GALNT13: variants seen among roughly 807,000 people sequenced by gnomAD.
GALNT13 encodes the protein polypeptide N-acetylgalactosaminyltransferase 13.
Under a neutral mutation model 64.2 loss-of-function variants are expected in GALNT13, and 28 were observed. The ratio of observed to expected loss-of-function variants is 0.44; its 90% CI spans 0.32 to 0.60. The LOEUF is 0.60. GALNT13 is among the 20% of genes least tolerant of loss of function. GALNT13 has a pLI of 0.05. For synonymous variants in GALNT13, 214 were observed against 224.6 expected (o/e 0.95, Z 0.42); for missense variants, 577 against 669.8 (o/e 0.86, Z 1.53).
chr2:153,838,277 G>C, the GALNT13 span, among the ~76,000 whole-genome samples: 1 of 151,670 alleles, frequency 6.6e-6, no homozygotes, highest in Non-Finnish European at 1.5e-5. Flanking sequence ...GTTTATTTTT[G>C]CTTTTGTTGC....
the GALNT13 span, among the ~76,000 whole-genome samples, chr2:153,325,003 T>C: frequency 6.6e-6 from 1 of 152,040 alleles, no homozygotes; most frequent in African/African-American, 2.4e-5. Flanking sequence ...CATACAATGA[T>C]TTAGGAAGAA....
the GALNT13 span, among the ~76,000 whole-genome samples, chr2:153,638,704 A>C: frequency 6.6e-6 from 1 of 152,084 alleles, no homozygotes; most frequent in Non-Finnish European, 1.5e-5. Context: ...TTATATGGCC[A>C]CTGTCACAGG....
At chr2:154,345,091 T>G (rs1695994366) in intron 9 of GALNT13, among the ~76,000 whole-genome samples, 1 of 152,114 alleles carries the variant, frequency 6.6e-6, no homozygotes, top group South Asian at 2.1e-4. Context: ...GGACAGAAAT[T>G]CTTAGGAGCA....
intron 3 of GALNT13, among the ~76,000 whole-genome samples, chr2:153,964,919 T>C (rs1291214280): frequency 6.6e-6 from 1 of 152,122 alleles, no homozygotes; most frequent in Non-Finnish European, 1.5e-5. Flanking sequence ...GTCTATATGG[T>C]AGTATTCATA....
the GALNT13 span, among the ~76,000 whole-genome samples, chr2:153,641,801 C>T: frequency 6.6e-6 from 1 of 151,920 alleles, no homozygotes; most frequent in Non-Finnish European, 1.5e-5. Flanking sequence ...TTCAAGAAAT[C>T]TACAATTTAT....
the GALNT13 span, among the ~76,000 whole-genome samples, chr2:153,836,978 G>A: frequency 6.6e-6 from 1 of 151,874 alleles, no homozygotes; most frequent in Non-Finnish European, 1.5e-5. Flanking sequence ...ACATGTGCAT[G>A]TGTCTTTATA....
chr2:153,800,590 T>G, the GALNT13 span, among the ~76,000 whole-genome samples: 1 of 152,240 alleles, frequency 6.6e-6, no homozygotes, highest in Non-Finnish European at 1.5e-5. Flanking sequence ...AACCTGCAGC[T>G]ACATTATCAA....
the GALNT13 span, among the ~76,000 whole-genome samples, chr2:153,552,813 A>C: frequency 3.3e-5 from 5 of 152,012 alleles, no homozygotes; most frequent in Non-Finnish European, 7.4e-5. Context: ...TCCATCTCAG[A>C]TCATCAGGCA....
intron 3 of GALNT13, among the ~76,000 whole-genome samples, chr2:154,057,025 T>A (rs944392220): frequency 6.6e-6 from 1 of 151,888 alleles, no homozygotes; most frequent in Non-Finnish European, 1.5e-5. Context: ...TTTTTATTTT[T>A]ATTTTATTTT....
At chr2:154,371,750 A>G (rs145146915) in intron 9 of GALNT13, among the ~76,000 whole-genome samples, 1,358 of 82,906 alleles carry the variant, frequency 0.016, 10 homozygotes, top group Admixed American at 0.026. Context: ...GTAGAAAACA[A>G]GGCCTTAAGC....
chr2:153,310,980 G>A, the GALNT13 span, among the ~76,000 whole-genome samples: 1 of 152,170 alleles, frequency 6.6e-6, no homozygotes, highest in African/African-American at 2.4e-5. Context: ...GAAGAAACTT[G>A]TGATGCCTTT....
At chr2:153,478,851 G>T in the GALNT13 span, 2 of 380,476 alleles carry the variant, frequency 5.3e-6, no homozygotes, top group South Asian at 2.2e-4. Flanking sequence ...GGACCAGCCC[G>T]GCCGTGGGAG....
chr2:153,373,317 T>C, the GALNT13 span, among the ~76,000 whole-genome samples: 1 of 152,198 alleles, frequency 6.6e-6, no homozygotes, highest in Non-Finnish European at 1.5e-5. Context: ...TTTACTAAAA[T>C]ATTTTTAATT....
intron 3 of GALNT13, among the ~76,000 whole-genome samples, chr2:154,081,527 T>C (rs1436044405): frequency 1.3e-5 from 2 of 151,628 alleles, no homozygotes; most frequent in Admixed American, 1.3e-4. Context: ...AACTGGGCCA[T>C]GATGGATCAA....
chr2:154,206,398 T>A (rs1687456782), intron 4 of GALNT13, among the ~76,000 whole-genome samples: 1 of 152,158 alleles, frequency 6.6e-6, no homozygotes, highest in Non-Finnish European at 1.5e-5. Context: ...AATACACTTT[T>A]TTTTCTTTTA....
the GALNT13 span, among the ~76,000 whole-genome samples, chr2:153,636,045 A>G: frequency 6.6e-6 from 1 of 152,120 alleles, no homozygotes; most frequent in Non-Finnish European, 1.5e-5. Flanking sequence ...ATGCATTTCT[A>G]TTTCACATTT....
chr2:154,431,830 GC>G (rs150215636), intron 11 of GALNT13, among the ~76,000 whole-genome samples: 7,178 of 152,206 alleles, frequency 0.047, 352 homozygotes, highest in East Asian at 0.24. Flanking sequence ...CAGTTTCCCT[GC>G]ACACGCTCTC....
chr2:153,143,479 A>T, the GALNT13 span, among the ~76,000 whole-genome samples: 2 of 152,072 alleles, frequency 1.3e-5, no homozygotes, highest in South Asian at 2.1e-4. Flanking sequence ...TTGAGCTATA[A>T]TAACTGTGGT....
intron 3 of GALNT13, among the ~76,000 whole-genome samples, chr2:154,038,677 A>T (rs932412042): frequency 1.1e-4 from 17 of 152,132 alleles, no homozygotes; most frequent in Non-Finnish European, 2.5e-4. Context: ...AAAACATAGG[A>T]GTAATGCTTC....
Sources: gnomAD v4.1 joint callset for allele counts (sites outside exome capture counted in the v4.1 genomes callset) on GRCh38, gnomAD v4.1.1 for gene constraint, MANE v1.5 for transcripts, NCBI Gene and HGNC (gene_info 2026-07-23, HGNC 2026-07-21) for gene names.